The following TRAPPC9 variants were observed in gnomAD, a reference collection of about 807,000 sequenced individuals.
The protein encoded by TRAPPC9 is trafficking protein particle complex subunit 9, also known as IKK2 binding protein.
In TRAPPC9, 83 loss-of-function variants were observed where a neutral mutation model predicts 124.0. That is an observed-to-expected ratio of 0.67 (90% CI 0.56 to 0.80). The LOEUF (loss-of-function observed/expected upper bound fraction) is 0.80. Ranked by LOEUF, TRAPPC9 falls within the 30% of genes least tolerant of loss-of-function variation. The probability of loss-of-function intolerance (pLI) is 0.00; values close to 1 mark genes in which losing one functional copy is unlikely to be tolerated. For synonymous variants in TRAPPC9, 638 were observed against 617.5 expected, an observed-to-expected ratio of 1.03 and a Z score of -0.49; for missense variants, 1,302 against 1,508.3, an observed-to-expected ratio of 0.86 and a Z score of 2.27.
At chr8:140,045,999 A>C (rs1841568159) in intron 17 of TRAPPC9, among the ~76,000 whole-genome samples, 1 of 152,144 alleles carries the variant, frequency 6.6e-6, no homozygotes, top group Non-Finnish European at 1.5e-5. Context: ...CAGAAGAAAA[A>C]GGAATCTGGA....
chr8:139,777,494 C>A (rs1372389654), intron 21 of TRAPPC9, among the ~76,000 whole-genome samples: 1 of 152,128 alleles, frequency 6.6e-6, no homozygotes, highest in Non-Finnish European at 1.5e-5. Context: ...CTTGTAGAGG[C>A]GAGGTCAACA....
chr8:140,011,582 C>T (rs1490283254), intron 18 of TRAPPC9, among the ~76,000 whole-genome samples: 2 of 143,456 alleles, frequency 1.4e-5, no homozygotes, highest in African/African-American at 5.2e-5. Context: ...CGGCTCACTG[C>T]AACCTCTGCC....
chr8:140,219,086 G>A (rs77916973), intron 17 of TRAPPC9, among the ~76,000 whole-genome samples: 3,456 of 152,294 alleles, frequency 0.023, 125 homozygotes, highest in African/African-American at 0.079. Context: ...CAGAAATTCA[G>A]CAGGAAGAGC....
intron 20 of TRAPPC9, among the ~76,000 whole-genome samples, chr8:139,905,927 T>C (rs1183981119): frequency 6.6e-6 from 1 of 151,762 alleles, no homozygotes; most frequent in African/African-American, 2.4e-5. Flanking sequence ...ACTCTGTCTC[T>C]ACTAAAATAC....
At chr8:140,326,696 G>T (rs532260912) in intron 9 of TRAPPC9, among the ~76,000 whole-genome samples, 1 of 151,946 alleles carries the variant, frequency 6.6e-6, no homozygotes, top group Non-Finnish European at 1.5e-5. Context: ...AGCAACACGA[G>T]ACTTTGTCTC....
intron 21 of TRAPPC9, among the ~76,000 whole-genome samples, chr8:139,822,698 T>C (rs1825334856): frequency 6.6e-6 from 1 of 152,160 alleles, no homozygotes; most frequent in Admixed American, 6.5e-5. Flanking sequence ...GCTGAGTGCA[T>C]GCGTCCTCTC....
At chr8:140,016,027 T>C (rs1269337847) in intron 18 of TRAPPC9, among the ~76,000 whole-genome samples, 1 of 152,184 alleles carries the variant, frequency 6.6e-6, no homozygotes, top group Non-Finnish European at 1.5e-5. Context: ...TTAACACCTC[T>C]CCTGTTCCTC....
intron 7 of TRAPPC9, among the ~76,000 whole-genome samples, chr8:140,387,595 A>G (rs1340936838): frequency 6.6e-6 from 1 of 152,244 alleles, no homozygotes; most frequent in Non-Finnish European, 1.5e-5. Flanking sequence ...AAAAGAAGAC[A>G]TTTATGCAGC....
chr8:139,947,916 A>AGAGC (rs1834357626), intron 19 of TRAPPC9, among the ~76,000 whole-genome samples: 4 of 39,956 alleles, frequency 1.0e-4, no homozygotes, highest in South Asian at 1.0e-3. Flanking sequence ...ATAGAGAGAG[A>AGAGC]GAGAGAGCGA....
intron 21 of TRAPPC9, among the ~76,000 whole-genome samples, chr8:139,804,754 G>A (rs1294929249): frequency 3.9e-5 from 4 of 102,368 alleles, no homozygotes; most frequent in East Asian, 3.3e-4. Context: ...ACCAAGCACC[G>A]CCACCACTAC....
Position 139,732,061 on chromosome 8 carries a change from T to C in TRAPPC9, c.3197A>G (p.Gln1066Arg). 2 of 1,605,024 alleles carry C rather than the reference T, an allele frequency of 1.2e-6. No homozygotes were observed. The highest frequency in any genetic ancestry group is 1.7e-5 in the Admixed American group (1 of 58,922). Reference protein sequence around the residue: ...GPFALTVVPFQDHQNGVHNYD... With the variant: ...GPFALTVVPFRDHQNGVHNYD... ...GTTGTGCACGCCGTTCTGGTGGTCC[T>C]GGAAGGGGACCACAGTGAGGGCGAA... Residue 1066 changes from glutamine to arginine, a missense_variant, in exon 22 of 23, where the codon CAG becomes CGG. Coordinates refer to ENST00000438773, the MANE Select transcript of TRAPPC9 (RefSeq NM_001160372.4).
chr8:140,049,929 G>A (rs4454254), intron 17 of TRAPPC9, among the ~76,000 whole-genome samples: 88,766 of 152,110 alleles, frequency 0.58, 26,154 homozygotes, highest in Middle Eastern at 0.68. Flanking sequence ...CAAACTGGAT[G>A]GCCATTGAGC....
chr8:140,168,512 C>T (rs1279845826), intron 17 of TRAPPC9, among the ~76,000 whole-genome samples: 1 of 151,066 alleles, frequency 6.6e-6, no homozygotes, highest in African/African-American at 2.4e-5. Context: ...TACATACTTT[C>T]ACTTCCCTTC....
chr8:140,382,895 T>C (rs1184661015), intron 7 of TRAPPC9, among the ~76,000 whole-genome samples: 4 of 151,834 alleles, frequency 2.6e-5, no homozygotes, highest in South Asian at 4.2e-4. Context: ...GTAGCCTAAC[T>C]TGGGGGGAGG....
chr8:140,212,710 G>C (rs181514031), intron 17 of TRAPPC9, among the ~76,000 whole-genome samples: 14 of 152,216 alleles, frequency 9.2e-5, no homozygotes, highest in Admixed American at 6.5e-4. Flanking sequence ...TAAGTGTTTG[G>C]TAAGATGCAT....
intron 17 of TRAPPC9, among the ~76,000 whole-genome samples, chr8:140,184,501 C>T (rs1471157143): frequency 6.6e-6 from 1 of 152,008 alleles, no homozygotes. Flanking sequence ...AGTGCCACAA[C>T]CTCGGCTCAC....
intron 7 of TRAPPC9, among the ~76,000 whole-genome samples, chr8:140,394,847 C>T (rs1473162364): frequency 1.3e-5 from 2 of 152,180 alleles, no homozygotes; most frequent in African/African-American, 2.4e-5. Context: ...ACACCTCCTC[C>T]GGGAAGCCCT....
intron 19 of TRAPPC9, among the ~76,000 whole-genome samples, chr8:139,942,223 T>C (rs562183870): frequency 6.6e-6 from 1 of 152,296 alleles, no homozygotes; most frequent in East Asian, 1.9e-4. Flanking sequence ...GGTGATGACA[T>C]CTCCGCCTGC....
rs927484306 is a variant in TRAPPC9 at position 139,776,570 on chromosome 8, A to G, written c.3056-44368T>C. ...AGGCACAGCTGACCACCCAGGCCTC[A>G]TTCGCAGCTGTGTTCTGAACCTGGA... On this transcript the variant is annotated intron_variant, in intron 21 of 22. Coordinates refer to ENST00000438773, the MANE Select transcript of TRAPPC9 (RefSeq NM_001160372.4). The surrounding 1 kb of genome is among the most constrained non-coding windows in gnomAD (Gnocchi z 4.1). 2.0e-5 allele frequency among the ~76,000 whole-genome samples: 3 copies of G among 152,130 alleles called. No individual in the cohort carries two copies. The highest frequency in any genetic ancestry group is 2.1e-4 in the South Asian group (1 of 4,830).
Sources: gnomAD v4.1 joint callset for allele counts (sites outside exome capture counted in the v4.1 genomes callset) on GRCh38, gnomAD v4.1.1 for gene constraint, Gnocchi (gnomAD v3.1) non-coding constraint, MANE v1.5 for transcripts, NCBI Gene and HGNC (gene_info 2026-07-23, HGNC 2026-07-21) for gene names.